Variants in VPS35L observed in about 807,000 individuals in gnomAD.
The protein encoded by VPS35L is VPS35 endosomal protein-sorting factor-like.
VPS35L carries 83 observed loss-of-function variants against 133.0 expected under a neutral mutation model. That is an observed-to-expected ratio of 0.62 (90% CI 0.52 to 0.75). The LOEUF is 0.75. VPS35L is among the 30% of genes least tolerant of loss of function. The pLI is 0.00. For missense variants in VPS35L, 1,083 were observed against 1,206.8 expected (o/e 0.90, Z 1.52); for synonymous variants, 423 against 449.9 (o/e 0.94, Z 0.76).
At position 19,601,469 on chromosome 16, in the gene VPS35L, A is replaced by T. The variant is rs192473777; in HGVS notation, c.725-195A>T. The T allele has an allele frequency of 9.0e-6, 5 of 558,180 alleles. No homozygotes were observed. In the East Asian group the frequency reaches 1.5e-4, roughly 17 times the overall value. The allele number at this position is 558,180 out of a possible 1,614,324, so 34.6% of individuals were successfully genotyped here. A position where few individuals can be genotyped will look rare whatever the true frequency, so the allele number is the denominator to read the frequency against. ...CACTTTTCTGCCTTTCAAAGAAAGT[A>T]AAAGTCTACTGGAAAAACTAAAAAC... is the stretch of plus-strand genomic sequence containing the variant. On this transcript the variant is annotated intron_variant, in intron 8 of 30. Transcript: ENST00000417362.
intron 26 of VPS35L, among the ~76,000 whole-genome samples, chr16:19,654,199 G>A (rs1974223738): frequency 6.6e-6 from 1 of 151,988 alleles, no homozygotes; most frequent in Non-Finnish European, 1.5e-5. Context: ...GGCCTCTGCT[G>A]GCCACTCTAG....
rs1342588794 is a variant in VPS35L, at chr16:19,569,606, C to T, written c.285+15C>T. 6.6e-7 allele frequency: 1 copy of T among 1,518,592 alleles called. No individual in the cohort carries two copies. Among genetic ancestry groups the T allele is most frequent in the African/African-American group, 1.4e-5 (1 of 71,690 alleles). The allele number at this position is 1,518,592 out of a possible 1,614,324, so 94.1% of individuals were successfully genotyped here. On this transcript the variant is annotated intron_variant, in intron 3 of 30. Transcript: ENST00000417362. ...CAGCTGCCATGGTAATGCACCCCAG[C>T]CATGGTCGTCCAGTGGGGGTTGGTT...
chr16:19,612,378 G>A (rs1032057193), intron 12 of VPS35L, among the ~76,000 whole-genome samples: 52 of 151,978 alleles, frequency 3.4e-4, no homozygotes, highest in Middle Eastern at 3.4e-3. Flanking sequence ...CTCAGCCTCC[G>A]GAGTAGCTGG....
chr16:19,698,789 T>C (rs553714490), intron 29 of VPS35L, among the ~76,000 whole-genome samples: 4 of 152,322 alleles, frequency 2.6e-5, no homozygotes, highest in Non-Finnish European at 4.4e-5. Context: ...ATGTGGCTTT[T>C]CCAGGGGCCT....
chr16:19,661,820 C>G (rs1256536211), intron 26 of VPS35L, among the ~76,000 whole-genome samples: 1 of 152,138 alleles, frequency 6.6e-6, no homozygotes, highest in East Asian at 1.9e-4. Context: ...TATTAAGAGT[C>G]CATGCAGTGT....
At chr16:19,675,324 C>T (rs993764389) in intron 27 of VPS35L, among the ~76,000 whole-genome samples, 8 of 151,122 alleles carry the variant, frequency 5.3e-5, no homozygotes, top group Non-Finnish European at 1.0e-4. Flanking sequence ...CTCACTGCAG[C>T]GTGAGCCACT....
intron 12 of VPS35L, among the ~76,000 whole-genome samples, chr16:19,610,958 A>G (rs1355016396): frequency 6.6e-6 from 1 of 152,138 alleles, no homozygotes; most frequent in Non-Finnish European, 1.5e-5. Flanking sequence ...TAAGCTATTA[A>G]GTTTTTTGTG....
chr16:19,625,475 C>G lies in VPS35L; in HGVS notation c.1225-702C>G, dbSNP rs149999671. On this transcript the variant is annotated intron_variant, in intron 14 of 30. Transcript: ENST00000417362. ...AGAGTAATTATCGTTCTCATTCATG[C>G]CCTGGAGTGCAGGAGTTATCTCCCA... Among the ~76,000 whole-genome samples, 874 of 152,226 alleles carry G rather than the reference C, an allele frequency of 5.7e-3. 4 individuals are homozygous for G. The highest frequency in any genetic ancestry group is 0.02 in the African/African-American group (814 of 41,540).
In VPS35L at chr16:19,658,345, C is replaced by T. The variant is rs1974370704; in HGVS notation, c.2221+6255C>T. 2.6e-5 allele frequency among the ~76,000 whole-genome samples: 4 copies of T among 152,236 alleles called. No individual in the cohort carries two copies. In the South Asian group the frequency reaches 8.3e-4, roughly 32 times the overall value. Reference sequence around the variant, plus strand: ...AAGAGTTCAAGACCAGCCTGGCCAACATGATGAAACCTCGTCTCTACTAAA... The same window carrying T: ...AAGAGTTCAAGACCAGCCTGGCCAATATGATGAAACCTCGTCTCTACTAAA... On this transcript the variant is annotated intron_variant, in intron 26 of 30. Transcript: ENST00000417362.
Position 19,570,889 on chromosome 16 carries a change from A to ATTTTTTTTTT in VPS35L, c.285+1303_285+1304insTTTTTTTTTT, listed in dbSNP as rs1489865417. Among the ~76,000 whole-genome samples the ATTTTTTTTTT allele has an allele frequency of 4.4e-5, 4 of 91,852 alleles. 1 individual carries two copies. Among genetic ancestry groups the ATTTTTTTTTT allele is most frequent in the African/African-American group, 1.9e-4 (4 of 21,372 alleles). The allele number at this position is 91,852 out of a possible 152,430, so 60.3% of individuals were successfully genotyped here. A position where few individuals can be genotyped will look rare whatever the true frequency, so the allele number is the denominator to read the frequency against. ...TATATATATATATATATATATATAT[A>ATTTTTTTTTT]TTTTTGAGATGAAGTCTCACACTGT... On this transcript the variant is annotated intron_variant, in intron 3 of 30. Transcript: ENST00000417362.
At chr16:19,635,413 A>G (rs749331380) in intron 19 of VPS35L, among the ~76,000 whole-genome samples, 1 of 152,168 alleles carries the variant, frequency 6.6e-6, no homozygotes, top group Non-Finnish European at 1.5e-5. Context: ...CACATATATC[A>G]TTGCCCTAAA....
intron 26 of VPS35L, among the ~76,000 whole-genome samples, chr16:19,662,502 C>T (rs116411199): frequency 0.028 from 4,261 of 152,218 alleles, 199 homozygotes; most frequent in African/African-American, 0.096. Flanking sequence ...CGGCAAAGTT[C>T]GCATTTATTT....
intron 26 of VPS35L, among the ~76,000 whole-genome samples, chr16:19,666,937 TTTCTTCCTTTCTTC>T (rs1244061147): frequency 8.5e-6 from 1 of 117,048 alleles, no homozygotes. Flanking sequence ...TCTTTCTTCC[TTTCTTCCTTTCTTC>T]CTTTCTTCCT....
intron 19 of VPS35L, among the ~76,000 whole-genome samples, chr16:19,636,333 G>A (rs1210435733): frequency 6.6e-6 from 1 of 152,152 alleles, no homozygotes; most frequent in Non-Finnish European, 1.5e-5. Flanking sequence ...ATAAATGCGT[G>A]TTTGTATAAT....
Position 19,579,041 on chromosome 16 carries a change from A to AT in VPS35L, c.434-9dup. 6.2e-7 allele frequency: 1 copy of AT among 1,613,766 alleles called. No individual in the cohort carries two copies. The highest frequency in any genetic ancestry group is 1.3e-5 in the African/African-American group (1 of 75,044). ...AAAGCCACCTGTGTGACGTAAATTC[A>AT]TTCTGTTTAGGCAAAGCTGGGACTG... On this transcript the variant is annotated splice_polypyrimidine_tract_variant and intron_variant, in intron 5 of 30. Transcript: ENST00000417362.
In VPS35L at chr16:19,609,044, A is replaced by G. The variant is rs368943323; in HGVS notation, c.929+23A>G. 7.2e-5 allele frequency: 115 copies of G among 1,605,720 alleles called. No homozygotes were observed. The African/African-American group carries it at 1.4e-3, about 20-fold the overall frequency. ...AACGTAAGGCTCTTCGGTAAAATCT[A>G]GAACCATAAAATTTCTAAAAATCTC... On this transcript the variant is annotated intron_variant, in intron 11 of 30. Coordinates refer to ENST00000417362, the MANE Select transcript of VPS35L (RefSeq NM_020314.7).
intron 25 of VPS35L, among the ~76,000 whole-genome samples, chr16:19,651,710 A>G (rs1195444174): frequency 6.6e-6 from 1 of 152,032 alleles, no homozygotes; most frequent in Non-Finnish European, 1.5e-5. Context: ...CTGTCTCTCA[A>G]TTTATCAATG....
chr16:19,555,892 T>C, intron 1 of VPS35L, 146 bp downstream of exon 1: 1 of 1,209,650 alleles, frequency 8.3e-7, no homozygotes, highest in Admixed American at 3.0e-5. Flanking sequence ...GTAGAATCCC[T>C]GGCCGCTACC....
chr16:19,680,916 C>A (rs1043642623), intron 27 of VPS35L, among the ~76,000 whole-genome samples: 1 of 109,668 alleles, frequency 9.1e-6, no homozygotes, highest in South Asian at 3.1e-4. Flanking sequence ...CAGAACCCGC[C>A]CCCCCCCTAA....
Sources: allele counts gnomAD v4.1 joint callset (sites outside exome capture counted in the v4.1 genomes callset), GRCh38; gene constraint gnomAD v4.1.1; transcripts MANE v1.5; gene names NCBI Gene and HGNC (gene_info 2026-07-23, HGNC 2026-07-21).